Variants in ATRNL1 observed in about 807,000 individuals in gnomAD.
ATRNL1 encodes attractin like 1.
ATRNL1 carries 95 observed loss-of-function variants against 182.7 expected under a neutral mutation model. The ratio of observed to expected loss-of-function variants is 0.52; its 90% CI spans 0.44 to 0.62. The LOEUF (loss-of-function observed/expected upper bound fraction) is 0.62. ATRNL1 is among the 20% of genes least tolerant of loss of function. ATRNL1 has a pLI of 0.00. For synonymous variants in ATRNL1, 576 were observed against 568.3 expected (o/e 1.01, Z -0.19); for missense variants, 1,471 against 1,679.5 (o/e 0.88, Z 2.17).
At chr10:115,730,795 A>G (rs1947774569) in intron 27 of ATRNL1, among the ~76,000 whole-genome samples, 1 of 152,092 alleles carries the variant, frequency 6.6e-6, no homozygotes, top group African/African-American at 2.4e-5. Context: ...ATAGTTGTGT[A>G]TATGTATATA....
In ATRNL1 at chr10:115,221,226, C is replaced by T. The variant is rs149510829; in HGVS notation, c.1532+5346C>T. Among the ~76,000 whole-genome samples the T allele has an allele frequency of 8.4e-3, 1,279 of 152,288 alleles. 19 individuals are homozygous for T. Among genetic ancestry groups the T allele is most frequent in the African/African-American group, 0.026 (1,062 of 41,570 alleles). ...GTGTTTCCTCACTTGCTACTCACCT[C>T]CTGCTCTGCTGCCTGGTTCCTAACA... is the stretch of plus-strand genomic sequence containing the variant. On this transcript the variant is annotated intron_variant, in intron 9 of 28. Coordinates refer to ENST00000355044, the MANE Select transcript of ATRNL1 (RefSeq NM_207303.4).
chr10:115,789,893 T>C (rs1305642705), intron 27 of ATRNL1, among the ~76,000 whole-genome samples: 2 of 152,078 alleles, frequency 1.3e-5, no homozygotes, highest in East Asian at 3.9e-4. Flanking sequence ...GTATCCAACA[T>C]AAATACACAA....
intron 5 of ATRNL1, among the ~76,000 whole-genome samples, chr10:115,148,822 T>C (rs901265405): frequency 6.8e-6 from 1 of 146,504 alleles, no homozygotes; most frequent in East Asian, 2.2e-4. Context: ...CGATCTTGGC[T>C]CACTGCAACA....
chr10:115,489,000 A>C (rs1006074365), intron 24 of ATRNL1, among the ~76,000 whole-genome samples: 1 of 152,150 alleles, frequency 6.6e-6, no homozygotes, highest in African/African-American at 2.4e-5. Flanking sequence ...GTCATTCAGG[A>C]GCAGGTTTTT....
intron 15 of ATRNL1, among the ~76,000 whole-genome samples, chr10:115,297,166 G>C (rs1853237244): frequency 6.6e-6 from 1 of 152,210 alleles, no homozygotes; most frequent in Non-Finnish European, 1.5e-5. Flanking sequence ...TTAATGGCTA[G>C]AGGATAAGAT....
At chr10:115,330,905 A>G (rs1210807657) in intron 18 of ATRNL1, among the ~76,000 whole-genome samples, 1 of 151,766 alleles carries the variant, frequency 6.6e-6, no homozygotes, top group Non-Finnish European at 1.5e-5. Context: ...TTGAACACTA[A>G]TGATACACAG....
intron 28 of ATRNL1, among the ~76,000 whole-genome samples, chr10:115,848,431 C>T (rs1950979652): frequency 6.6e-6 from 1 of 152,214 alleles, no homozygotes; most frequent in Non-Finnish European, 1.5e-5. Flanking sequence ...ATGTTTGGAA[C>T]GTTGAGTGGC....
At chr10:115,691,093 T>C (rs1222099359) in intron 26 of ATRNL1, among the ~76,000 whole-genome samples, 1 of 152,162 alleles carries the variant, frequency 6.6e-6, no homozygotes, top group East Asian at 1.9e-4. Context: ...GGTATGATTA[T>C]CTATTCATAA....
chr10:115,225,172 A>T (rs1412749936), intron 9 of ATRNL1, among the ~76,000 whole-genome samples: 2 of 152,074 alleles, frequency 1.3e-5, no homozygotes, highest in Non-Finnish European at 2.9e-5. Flanking sequence ...AATGTTACTT[A>T]AAATTTATAA....
chr10:115,636,887 C>T (rs957964888), intron 26 of ATRNL1, among the ~76,000 whole-genome samples: 9 of 152,222 alleles, frequency 5.9e-5, no homozygotes, highest in East Asian at 3.9e-4. Context: ...AAAGGAATGA[C>T]GTACAGTCAT....
intron 19 of ATRNL1, among the ~76,000 whole-genome samples, chr10:115,354,106 C>A (rs11197179): frequency 0.013 from 1,972 of 152,266 alleles, 40 homozygotes; most frequent in African/African-American, 0.046. Flanking sequence ...TGGCCCAACA[C>A]AAATCAGTAA....
intron 24 of ATRNL1, among the ~76,000 whole-genome samples, chr10:115,474,139 T>C (rs1554972643): frequency 1.3e-5 from 2 of 151,470 alleles, no homozygotes; most frequent in South Asian, 2.1e-4. Flanking sequence ...CCATTTATTG[T>C]AAGGTAGACC....
intron 9 of ATRNL1, among the ~76,000 whole-genome samples, chr10:115,226,866 G>C (rs186026138): frequency 6.6e-6 from 1 of 152,216 alleles, no homozygotes; most frequent in East Asian, 1.9e-4. Flanking sequence ...TGGATAACTG[G>C]CTAGCCATAT....
chr10:115,807,013 TA>T (rs1432361949), intron 27 of ATRNL1, among the ~76,000 whole-genome samples: 2 of 152,148 alleles, frequency 1.3e-5, no homozygotes, highest in African/African-American at 4.8e-5. Context: ...TTTAAGTTTT[TA>T]AAATATTTGC....
At chr10:115,527,141 A>G (rs1851262171) in intron 25 of ATRNL1, among the ~76,000 whole-genome samples, 1 of 137,364 alleles carries the variant, frequency 7.3e-6, no homozygotes, top group East Asian at 2.1e-4. Context: ...CCCCCCCGAG[A>G]TAGGGTCTCA....
chr10:115,711,165 C>A (rs1947053222), intron 26 of ATRNL1, among the ~76,000 whole-genome samples: 1 of 152,020 alleles, frequency 6.6e-6, no homozygotes, highest in Admixed American at 6.6e-5. Flanking sequence ...TGATAAAAGT[C>A]ATGCTGCAGG....
intron 26 of ATRNL1, among the ~76,000 whole-genome samples, chr10:115,694,252 T>A (rs148096015): frequency 9.7e-4 from 147 of 151,732 alleles, no homozygotes; most frequent in African/African-American, 3.5e-3. Flanking sequence ...TCATGATTGG[T>A]TGTGTTTACA....
chr10:115,426,546 G>T (rs1224069033), intron 21 of ATRNL1, among the ~76,000 whole-genome samples: 4 of 151,960 alleles, frequency 2.6e-5, no homozygotes, highest in Non-Finnish European at 5.9e-5. Context: ...ACAAAGTATA[G>T]AACTTGAGTA....
chr10:115,616,949 A>T (rs1402623100), intron 26 of ATRNL1, among the ~76,000 whole-genome samples: 2 of 152,214 alleles, frequency 1.3e-5, no homozygotes, highest in African/African-American at 2.4e-5. Flanking sequence ...TCCTACACAG[A>T]GCCCTCACTG....
Sources: allele counts gnomAD v4.1 joint callset (sites outside exome capture counted in the v4.1 genomes callset), GRCh38; gene constraint gnomAD v4.1.1; transcripts MANE v1.5; gene names NCBI Gene and HGNC (gene_info 2026-07-23, HGNC 2026-07-21).